The following TMEM131L variants were observed in gnomAD, a reference collection of about 807,000 sequenced individuals.
The protein encoded by TMEM131L is transmembrane 131 like.
A neutral mutation model predicts 192.2 loss-of-function variants in TMEM131L; 54 were observed. The observed-to-expected ratio is 0.28, with a 90% CI of 0.23 to 0.35. The LOEUF (loss-of-function observed/expected upper bound fraction) is 0.35. Ranked by LOEUF, TMEM131L falls within the 10% of genes least tolerant of loss-of-function variation. The pLI, the probability that TMEM131L is intolerant of heterozygous loss-of-function variation, is 1.00. For missense variants in TMEM131L, 1,888 were observed against 1,972.9 expected (o/e 0.96, Z 0.82); for synonymous variants, 701 against 704.9 (o/e 0.99, Z 0.09).
At chr4:153,469,882 C>T (rs911806431) in intron 2 of TMEM131L, among the ~76,000 whole-genome samples, 2 of 152,016 alleles carry the variant, frequency 1.3e-5, no homozygotes, top group African/African-American at 2.4e-5. Flanking sequence ...GCTGAGATCG[C>T]GCTGAAGCAC....
At chr4:153,575,041 G>A (rs1300354989) in intron 7 of TMEM131L, among the ~76,000 whole-genome samples, 1 of 152,190 alleles carries the variant, frequency 6.6e-6, no homozygotes, top group African/African-American at 2.4e-5. Context: ...AAGGTTTCAT[G>A]TGGTTATTAC....
At chr4:153,569,931 T>C (rs1729473212) in intron 7 of TMEM131L, among the ~76,000 whole-genome samples, 1 of 152,220 alleles carries the variant, frequency 6.6e-6, no homozygotes, top group African/African-American at 2.4e-5. Context: ...TTCAAGGCTA[T>C]GGTAGTGTAT....
chr4:153,634,990 TTATGTTC>T (rs1734473064), intron 33 of TMEM131L, among the ~76,000 whole-genome samples: 1 of 152,222 alleles, frequency 6.6e-6, no homozygotes, highest in South Asian at 2.1e-4. Flanking sequence ...TCTGTGTTCA[TTATGTTC>T]TTAATGGTAT....
intron 32 of TMEM131L, 130 bp downstream of exon 32, chr4:153,632,968 G>A: frequency 9.7e-7 from 1 of 1,033,184 alleles, no homozygotes; most frequent in Non-Finnish European, 1.4e-6. Context: ...CTTTAGCTGT[G>A]CGTTTCCTTC....
intron 10 of TMEM131L, 107 bp downstream of exon 10, chr4:153,583,355 C>CT: frequency 2.5e-6 from 2 of 790,070 alleles, no homozygotes; most frequent in Non-Finnish European, 4.4e-6. Context: ...TATCTTTATT[C>CT]TTTTTTGCTT....
chr4:153,566,807 C>T (rs1268351284), intron 7 of TMEM131L, among the ~76,000 whole-genome samples: 2 of 152,172 alleles, frequency 1.3e-5, no homozygotes, highest in East Asian at 1.9e-4. Context: ...CAACATGTTG[C>T]TGGATTGTGT....
chr4:153,585,654 CTTTG>C (rs749786528), intron 13 of TMEM131L, 43 bp downstream of exon 13: 194 of 1,491,094 alleles, frequency 1.3e-4, no homozygotes, highest in Middle Eastern at 2.2e-4. Context: ...TTATTTTAAG[CTTTG>C]TTTAAGGTCA....
chr4:153,532,558 C>T (rs1735981795), intron 3 of TMEM131L, among the ~76,000 whole-genome samples: 1 of 152,040 alleles, frequency 6.6e-6, no homozygotes, highest in African/African-American at 2.4e-5. Context: ...CAACCAGCAG[C>T]ACACTCTAAT....
chr4:153,591,878 AAAAAG>A (rs1731092309), intron 17 of TMEM131L, among the ~76,000 whole-genome samples: 1 of 152,194 alleles, frequency 6.6e-6, no homozygotes, highest in Non-Finnish European at 1.5e-5. Context: ...AGGAGCTTGC[AAAAAG>A]AAAAGAATCT....
At chr4:153,609,381 C>T (rs1049743297) in intron 25 of TMEM131L, among the ~76,000 whole-genome samples, 2 of 152,170 alleles carry the variant, frequency 1.3e-5, no homozygotes, top group African/African-American at 4.8e-5. Context: ...AAGTCAGCCC[C>T]CATGATCCAG....
chr4:153,535,112 T>G (rs1386090390), intron 3 of TMEM131L, among the ~76,000 whole-genome samples: 4 of 152,100 alleles, frequency 2.6e-5, no homozygotes, highest in Non-Finnish European at 5.9e-5. Flanking sequence ...TGGAGAGACA[T>G]GATGGGTGCT....
intron 21 of TMEM131L, 131 bp from the exon 22 acceptor site, chr4:153,602,021 G>A: frequency 1.8e-6 from 1 of 541,346 alleles, no homozygotes. Context: ...TTGAGCTTAT[G>A]TTGGATTTTT....
chr4:153,529,585 C>T (rs1255514865), intron 3 of TMEM131L, among the ~76,000 whole-genome samples: 2 of 152,128 alleles, frequency 1.3e-5, no homozygotes, highest in Admixed American at 1.3e-4. Flanking sequence ...AATCTTAATG[C>T]AAGCACAAAT....
intron 29 of TMEM131L, among the ~76,000 whole-genome samples, chr4:153,623,404 A>C (rs28664269): frequency 6.6e-6 from 1 of 152,000 alleles, no homozygotes; most frequent in Non-Finnish European, 1.5e-5. Flanking sequence ...GTGGACTTCT[A>C]TGGCACTAAG....
intron 3 of TMEM131L, among the ~76,000 whole-genome samples, chr4:153,522,863 C>T (rs1256762230): frequency 6.6e-6 from 1 of 152,192 alleles, no homozygotes; most frequent in Non-Finnish European, 1.5e-5. Context: ...ACTATCACTG[C>T]CCACAGACTA....
intron 25 of TMEM131L, among the ~76,000 whole-genome samples, chr4:153,608,102 T>C (rs1202628093): frequency 6.6e-6 from 1 of 151,894 alleles, no homozygotes; most frequent in Non-Finnish European, 1.5e-5. Context: ...GCCTGGGCAA[T>C]GAGTGAGACC....
At chr4:153,527,363 C>T (rs979571709) in intron 3 of TMEM131L, among the ~76,000 whole-genome samples, 1 of 152,108 alleles carries the variant, frequency 6.6e-6, no homozygotes, top group Admixed American at 6.5e-5. Context: ...GCCTCCGCCT[C>T]CTGGGTTCAA....
At chr4:153,498,767 A>C (rs1160183700) in intron 3 of TMEM131L, among the ~76,000 whole-genome samples, 1 of 152,190 alleles carries the variant, frequency 6.6e-6, no homozygotes, top group Non-Finnish European at 1.5e-5. Flanking sequence ...GTCACTCTGG[A>C]AACTAGTAGT....
At chr4:153,471,374 G>T (rs1472061635) in intron 2 of TMEM131L, among the ~76,000 whole-genome samples, 1 of 152,100 alleles carries the variant, frequency 6.6e-6, no homozygotes, top group Non-Finnish European at 1.5e-5. Flanking sequence ...AAGGGTTGGT[G>T]CCCTGCTGTG....
Sources: gnomAD v4.1 joint callset for allele counts (sites outside exome capture counted in the v4.1 genomes callset) on GRCh38, gnomAD v4.1.1 for gene constraint, MANE v1.5 for transcripts, NCBI Gene and HGNC (gene_info 2026-07-23, HGNC 2026-07-21) for gene names.